The following RTN4 variants were observed in gnomAD, a reference collection of about 807,000 sequenced individuals.
The protein encoded by RTN4 is reticulon-4.
Under a neutral mutation model 90.4 loss-of-function variants are expected in RTN4, and 32 were observed. The observed-to-expected ratio is 0.35, with a 90% CI of 0.27 to 0.48. The LOEUF (loss-of-function observed/expected upper bound fraction) is 0.48. Ranked by LOEUF, RTN4 falls within the 20% of genes least tolerant of loss-of-function variation. The pLI, the probability that RTN4 is intolerant of heterozygous loss-of-function variation, is 0.99. For missense variants in RTN4, 1,706 were observed against 1,430.2 expected (o/e 1.19, Z -3.11); for synonymous variants, 629 against 552.5 (o/e 1.14, Z -1.94).
chr2:54,987,526 T>C lies in RTN4; in HGVS notation c.3186A>G (p.Gln1062=), dbSNP rs1332124222. The part of the protein sequence containing the change: ...ISFRIYKGVI[Q]AIQKSDEGHP... ...GGCCTTCATCTGATTTCTGGATAGCTTGGATCACACCCTTGTATATCCTAA... is the reference window on the plus strand; with the variant it reads ...GGCCTTCATCTGATTTCTGGATAGCCTGGATCACACCCTTGTATATCCTAA... Residue 1062 remains glutamine (Q), a synonymous_variant, in exon 4 of 9, where the codon CAA becomes CAG. Coordinates refer to ENST00000337526, the MANE Select transcript of RTN4 (RefSeq NM_020532.5). 10 of 1,614,060 alleles carry C rather than the reference T, an allele frequency of 6.2e-6. No individual in the cohort carries two copies. In the Admixed American group the frequency reaches 1.5e-4, roughly 24 times the overall value.
chr2:55,001,419 A>C (rs1453128985), intron 3 of RTN4, among the ~76,000 whole-genome samples: 2 of 152,224 alleles, frequency 1.3e-5, no homozygotes, highest in Non-Finnish European at 2.9e-5. Flanking sequence ...TCTCTTACCC[A>C]AGTTTAGTAT....
chr2:55,137,383 A>G, the RTN4 span, among the ~76,000 whole-genome samples: 1 of 152,194 alleles, frequency 6.6e-6, no homozygotes, highest in Non-Finnish European at 1.5e-5. Context: ...CGGAGTCAGG[A>G]AAGAGCCAGA....
chr2:55,071,884 G>A (rs773495784), intron 2 of RTN4, among the ~76,000 whole-genome samples: 2 of 152,184 alleles, frequency 1.3e-5, no homozygotes, highest in Non-Finnish European at 2.9e-5. Flanking sequence ...ATAATGACTG[G>A]GTTAGCTTGA....
intron 2 of RTN4, among the ~76,000 whole-genome samples, chr2:55,068,013 C>G (rs1668423847): frequency 6.6e-6 from 1 of 152,162 alleles, no homozygotes; most frequent in Non-Finnish European, 1.5e-5. Context: ...CAGTTGGATT[C>G]TCATATCTAC....
intron 5 of RTN4, among the ~76,000 whole-genome samples, chr2:54,976,349 A>G (rs958738530): frequency 6.6e-6 from 1 of 152,204 alleles, no homozygotes; most frequent in African/African-American, 2.4e-5. Context: ...CCTAAAAGCC[A>G]GGCTATCCCA....
At chr2:55,080,547 C>T (rs1021655682) in exon 2 of RTN4, 3 of 152,192 alleles carry the variant, frequency 2.0e-5, no homozygotes, top group Non-Finnish European at 2.9e-5. Context: ...CTGTGTCAGA[C>T]ATAATTTTTA....
chr2:54,993,794 A>T (rs1161402226), intron 3 of RTN4, among the ~76,000 whole-genome samples: 3 of 152,222 alleles, frequency 2.0e-5, no homozygotes, highest in Non-Finnish European at 4.4e-5. Flanking sequence ...AAATGAGACA[A>T]CTAGGCACTG....
At position 54,973,072 on chromosome 2, in the gene RTN4, G is replaced by C; in HGVS notation, c.*84C>G. 1 of 1,134,700 alleles carries C rather than the reference G, an allele frequency of 8.8e-7. No individual in the cohort carries two copies. The highest frequency in any genetic ancestry group is 1.3e-6 in the Non-Finnish European group (1 of 765,912). The allele number at this position is 1,134,700 out of a possible 1,614,324, so 70.3% of individuals were successfully genotyped here. ...TGTGAAACTGCACTGCAACGTCAAG[G>C]TTCGTTCTTCCCTGACCCTCCCCCG... On this transcript the variant is annotated 3_prime_UTR_variant, in exon 9 of 9. Transcript: ENST00000337526.
At chr2:55,067,435 TAG>T (rs796914480) in intron 2 of RTN4, among the ~76,000 whole-genome samples, 42,255 of 149,306 alleles carry the variant, frequency 0.28, 7,226 homozygotes, top group East Asian at 0.53. Flanking sequence ...TTTTTTAAGA[TAG>T]AGTCTTGTTC....
chr2:55,028,959 C>T (rs1279267737), intron 1 of RTN4, among the ~76,000 whole-genome samples: 2 of 152,136 alleles, frequency 1.3e-5, no homozygotes, highest in South Asian at 4.1e-4. Flanking sequence ...GAACTGAATG[C>T]TTATATTTCC....
intron 2 of RTN4, among the ~76,000 whole-genome samples, chr2:55,061,066 ATT>A (rs36001702): frequency 5.7e-5 from 8 of 140,672 alleles, no homozygotes; most frequent in African/African-American, 8.0e-5. Flanking sequence ...AAAAATAAGA[ATT>A]TTTTTTTTTT....
chr2:55,044,423 A>C (rs1008426107), intron 1 of RTN4, among the ~76,000 whole-genome samples: 1 of 151,484 alleles, frequency 6.6e-6, no homozygotes, highest in African/African-American at 2.4e-5. Flanking sequence ...AACAAACAAA[A>C]AAACTTGCCA....
At chr2:54,978,330 T>A (rs1053144313) in intron 5 of RTN4, among the ~76,000 whole-genome samples, 2 of 148,836 alleles carry the variant, frequency 1.3e-5, no homozygotes, top group African/African-American at 2.5e-5. Context: ...CTTGGGAGGC[T>A]GAAGCAGGAG....
intron 3 of RTN4, among the ~76,000 whole-genome samples, chr2:54,992,710 C>T (rs1679106580): frequency 6.6e-6 from 1 of 152,044 alleles, no homozygotes; most frequent in African/African-American, 2.4e-5. Flanking sequence ...ATCACAGAAA[C>T]ATGTCCATAA....
At position 55,026,873 on chromosome 2, in the gene RTN4, C is replaced by G. The variant is rs1489705255; in HGVS notation, c.1226G>C (p.Gly409Ala). 7 of 1,613,912 alleles carry G rather than the reference C, an allele frequency of 4.3e-6. No homozygotes were observed. Among genetic ancestry groups the G allele is most frequent in the Non-Finnish European group, 5.1e-6 (6 of 1,179,910 alleles). The change falls in exon 3 of 9, where the codon GGA (glycine) becomes GCA (alanine). Residue 409 changes from glycine (G) to alanine (A), a missense_variant. Transcript: ENST00000337526. The part of the protein sequence containing the change: ...SKEDSDMLAA[G>A]GKIESNLESK... ...TTCCAAGTTGCTCTCGATTTTACCT[C>G]CAGCAGCCAACATATCACTATCTTC...
intron 3 of RTN4, among the ~76,000 whole-genome samples, chr2:55,024,638 G>A (rs1681683812): frequency 6.6e-6 from 1 of 151,744 alleles, no homozygotes; most frequent in East Asian, 1.9e-4. Context: ...ACCTACCACT[G>A]GAAAAGTACT....
chr2:55,056,674 T>A (rs917804459), intron 2 of RTN4: 1 of 152,160 alleles, frequency 6.6e-6, no homozygotes, highest in Non-Finnish European at 1.5e-5. Context: ...CTTCTCTGGA[T>A]ATCCTCTTTC....
intron 3 of RTN4, among the ~76,000 whole-genome samples, chr2:55,021,124 A>C (rs1681397133): frequency 6.6e-6 from 1 of 152,208 alleles, no homozygotes; most frequent in Admixed American, 6.5e-5. Context: ...AAACACACTT[A>C]AATATTTCAT....
intron 1 of RTN4, among the ~76,000 whole-genome samples, chr2:55,037,448 T>C (rs557273641): frequency 6.6e-6 from 1 of 152,372 alleles, no homozygotes; most frequent in South Asian, 2.1e-4. Context: ...AAAAGATTTG[T>C]TTCCCTAAGC....
Sources: allele counts gnomAD v4.1 joint callset (sites outside exome capture counted in the v4.1 genomes callset), GRCh38; gene constraint gnomAD v4.1.1; transcripts MANE v1.5; gene names NCBI Gene and HGNC (gene_info 2026-07-23, HGNC 2026-07-21).